ANO1: variants seen among roughly 807,000 people sequenced by gnomAD.
ANO1 encodes the protein anoctamin-1.
In ANO1, 59 loss-of-function variants were observed where a neutral mutation model predicts 124.0. The observed-to-expected ratio is 0.48, with a 90% CI of 0.39 to 0.59. The LOEUF (loss-of-function observed/expected upper bound fraction) is 0.59. ANO1 is among the 20% of genes least tolerant of loss of function. ANO1 has a pLI of 0.00. For synonymous variants in ANO1, 529 were observed against 532.0 expected (o/e 0.99, Z 0.08); for missense variants, 1,059 against 1,328.0 (o/e 0.80, Z 3.15).
intron 1 of ANO1, among the ~76,000 whole-genome samples, chr11:70,052,657 A>C (rs912552791): frequency 7.0e-6 from 1 of 142,822 alleles, no homozygotes; most frequent in African/African-American, 2.6e-5. Flanking sequence ...GGTTCAAGCT[A>C]TTCTCCTGCC....
intron 21 of ANO1, among the ~76,000 whole-genome samples, chr11:70,167,732 C>T (rs1275097144): frequency 6.6e-6 from 1 of 152,110 alleles, no homozygotes; most frequent in Non-Finnish European, 1.5e-5. Flanking sequence ...GGCACGGTCT[C>T]CATCAGCGCA....
At chr11:70,161,824 C>T (rs2048055265) in intron 18 of ANO1, 91 bp downstream of exon 18, 1 of 1,264,134 alleles carries the variant, frequency 7.9e-7, no homozygotes, top group South Asian at 1.3e-5. Flanking sequence ...ACCTGGAGCC[C>T]AGGGCAGGGC....
At chr11:70,028,938 C>T (rs1243449006) in intron 1 of ANO1, among the ~76,000 whole-genome samples, 2 of 152,146 alleles carry the variant, frequency 1.3e-5, no homozygotes, top group African/African-American at 2.4e-5. Flanking sequence ...CCCACCATCA[C>T]GCCTGGCTAA....
At chr11:70,157,366 C>CAAAAAA (rs529445782) in intron 16 of ANO1, among the ~76,000 whole-genome samples, 3 of 98,112 alleles carry the variant, frequency 3.1e-5, no homozygotes, top group East Asian at 3.0e-4. Flanking sequence ...GACTCTGTCT[C>CAAAAAA]AAAAAAAAAA....
intron 1 of ANO1, among the ~76,000 whole-genome samples, chr11:70,026,677 G>T (rs1458102545): frequency 6.6e-6 from 1 of 152,164 alleles, no homozygotes; most frequent in African/African-American, 2.4e-5. Flanking sequence ...ACACACTGTA[G>T]TCAGGAGGTT....
intron 2 of ANO1, among the ~76,000 whole-genome samples, chr11:70,097,707 C>T (rs946751644): frequency 1.1e-4 from 17 of 152,272 alleles, no homozygotes; most frequent in East Asian, 3.9e-4. Context: ...GGAGAGAAGG[C>T]GGATGGTAGT....
intron 1 of ANO1, among the ~76,000 whole-genome samples, chr11:70,036,759 C>T (rs1269772081): frequency 2.0e-5 from 3 of 152,212 alleles, no homozygotes; most frequent in African/African-American, 7.2e-5. Flanking sequence ...AGGCACCCGC[C>T]ACCACACCCG....
intron 12 of ANO1, 69 bp from the exon 13 acceptor site, chr11:70,152,381 A>G: frequency 2.6e-6 from 3 of 1,134,420 alleles, no homozygotes; most frequent in Admixed American, 1.9e-5. Flanking sequence ...GACAGGTCCT[A>G]TTTCTAAAAT....
intron 1 of ANO1, among the ~76,000 whole-genome samples, chr11:70,019,021 T>C (rs1295769294): frequency 6.6e-6 from 1 of 152,248 alleles, no homozygotes; most frequent in Non-Finnish European, 1.5e-5. Context: ...CATGGCATTG[T>C]GCAGCCATGT....
At chr11:70,010,134 GGT>G (rs34598701) in intron 1 of ANO1, among the ~76,000 whole-genome samples, 1,591 of 81,720 alleles carry the variant, frequency 0.019, 74 homozygotes, top group South Asian at 0.061. Flanking sequence ...AGTATTCCAT[GGT>G]GTGTGTGTGT....
upstream of ANO1, among the ~76,000 whole-genome samples, chr11:69,983,344 G>A (rs758305707): frequency 2.6e-5 from 4 of 151,974 alleles, no homozygotes; most frequent in Non-Finnish European, 4.4e-5. Flanking sequence ...TCGCCGCCTC[G>A]CCAAAAAGGG....
At chr11:69,979,460 C>T in the ANO1 span, among the ~76,000 whole-genome samples, 1 of 152,200 alleles carries the variant, frequency 6.6e-6, no homozygotes, top group Non-Finnish European at 1.5e-5. Flanking sequence ...TTCCTCTCTG[C>T]GTCAGTTTCC....
At chr11:70,116,419 T>G in intron 7 of ANO1, 39 bp from the exon 8 acceptor site, 3 of 1,574,224 alleles carry the variant, frequency 1.9e-6, no homozygotes, top group Non-Finnish European at 2.6e-6. Context: ...CAAAGCTCCA[T>G]TGGATGATAA....
intron 1 of ANO1, chr11:70,014,830 T>TTTTTG (rs1856672109): frequency 2.7e-4 from 2 of 7,378 alleles, no homozygotes; most frequent in African/African-American, 5.7e-4. Context: ...TTTGTTTTTG[T>TTTTTG]TTTTTTTTTT....
intron 1 of ANO1, among the ~76,000 whole-genome samples, chr11:70,021,499 A>T (rs1856808748): frequency 6.6e-6 from 1 of 151,216 alleles, no homozygotes. Flanking sequence ...TAGCTCTATC[A>T]GAAGAAATTA....
At chr11:70,023,543 G>T (rs1294969307) in intron 1 of ANO1, among the ~76,000 whole-genome samples, 1 of 152,196 alleles carries the variant, frequency 6.6e-6, no homozygotes, top group Non-Finnish European at 1.5e-5. Context: ...CTAGGGGTGA[G>T]ATTCGGCCCA....
chr11:70,079,573 G>A (rs369892479), intron 1 of ANO1, among the ~76,000 whole-genome samples: 2 of 152,172 alleles, frequency 1.3e-5, no homozygotes, highest in Non-Finnish European at 2.9e-5. Context: ...ATAGGACAGG[G>A]CTGGGACTGG....
chr11:69,978,888 G>A, the ANO1 span, among the ~76,000 whole-genome samples: 3 of 152,314 alleles, frequency 2.0e-5, no homozygotes, highest in South Asian at 2.1e-4. Flanking sequence ...TTTAGAGTTC[G>A]TAATCTCAAC....
intron 2 of ANO1, among the ~76,000 whole-genome samples, chr11:70,097,812 C>T (rs2509150): frequency 0.3 from 46,326 of 152,108 alleles, 7,839 homozygotes; most frequent in African/African-American, 0.44. Flanking sequence ...GTGGACATCA[C>T]TGAGCCTCTG....
Sources: gnomAD v4.1 joint callset for allele counts (sites outside exome capture counted in the v4.1 genomes callset) on GRCh38, gnomAD v4.1.1 for gene constraint, MANE v1.5 for transcripts, NCBI Gene and HGNC (gene_info 2026-07-23, HGNC 2026-07-21) for gene names.